Variants in SYN3 observed in about 807,000 individuals in gnomAD.
SYN3 encodes the protein synapsin III.
Under a neutral mutation model 65.8 loss-of-function variants are expected in SYN3, and 35 were observed. That is an observed-to-expected ratio of 0.53 (90% CI 0.41 to 0.70). The LOEUF is 0.70. SYN3 is among the 30% of genes least tolerant of loss of function. The pLI is 0.00. For missense variants in SYN3, 680 were observed against 749.0 expected, an observed-to-expected ratio of 0.91 and a Z score of 1.08; for synonymous variants, 270 against 292.9, an observed-to-expected ratio of 0.92 and a Z score of 0.80.
At chr22:33,043,701 A>G (rs2054005606) in intron 1 of SYN3, among the ~76,000 whole-genome samples, 1 of 152,192 alleles carries the variant, frequency 6.6e-6, no homozygotes, top group Non-Finnish European at 1.5e-5. Context: ...AAACAGAGAT[A>G]ATAATTCTAA....
intron 6 of SYN3, among the ~76,000 whole-genome samples, chr22:32,612,940 GT>G (rs2059466041): frequency 6.6e-6 from 1 of 152,166 alleles, no homozygotes; most frequent in South Asian, 2.1e-4. Context: ...GAGGGACCTG[GT>G]GGCAGGTGAT....
intron 6 of SYN3, among the ~76,000 whole-genome samples, chr22:32,843,092 T>TC (rs2047960298): frequency 6.6e-6 from 1 of 151,880 alleles, no homozygotes; most frequent in Non-Finnish European, 1.5e-5. Flanking sequence ...TTTTTTTTTT[T>TC]CCCCCACTAG....
chr22:32,959,542 CA>C (rs1386103880), intron 3 of SYN3, among the ~76,000 whole-genome samples: 3 of 150,994 alleles, frequency 2.0e-5, no homozygotes, highest in African/African-American at 7.3e-5. Context: ...CAGAGTGAGA[CA>C]CTGTCTCAGA....
intron 6 of SYN3, among the ~76,000 whole-genome samples, chr22:32,798,825 G>A (rs1380763202): frequency 1.3e-5 from 2 of 151,204 alleles, no homozygotes; most frequent in Non-Finnish European, 2.9e-5. Flanking sequence ...CCAAGTAACT[G>A]GGACTACAGG....
rs141300968 is a variant in SYN3 at position 32,751,589 on chromosome 22, G to C, written c.711+113326C>G. The stretch of plus-strand genomic sequence containing the variant: ...CAGAACTGGCCTATAGGCAGTTTCT[G>C]GTGGTGACCTTGGCAGAGGGTGTTG... On this transcript the variant is annotated intron_variant, in intron 6 of 13. Coordinates refer to ENST00000358763, the MANE Select transcript of SYN3 (RefSeq NM_003490.4). Among the ~76,000 whole-genome samples the C allele has an allele frequency of 5.3e-3, 808 of 152,282 alleles. 11 individuals are homozygous for C. The highest frequency in any genetic ancestry group is 0.019 in the African/African-American group (773 of 41,552).
chr22:32,986,640 G>A (rs1373334122), intron 2 of SYN3, among the ~76,000 whole-genome samples: 3 of 152,164 alleles, frequency 2.0e-5, no homozygotes, highest in Admixed American at 1.3e-4. Flanking sequence ...TGCCTTTGGG[G>A]GCTGGGGTTG....
intron 6 of SYN3, among the ~76,000 whole-genome samples, chr22:32,714,516 A>T (rs1054417514): frequency 6.6e-6 from 1 of 152,206 alleles, no homozygotes; most frequent in African/African-American, 2.4e-5. Context: ...ATGCCAGCCC[A>T]TAGCAGATGA....
At chr22:32,830,867 G>A (rs935313025) in intron 6 of SYN3, among the ~76,000 whole-genome samples, 4 of 152,164 alleles carry the variant, frequency 2.6e-5, no homozygotes, top group Admixed American at 6.5e-5. Flanking sequence ...TCGCTGGCAC[G>A]TAGCAAAATC....
intron 3 of SYN3, among the ~76,000 whole-genome samples, chr22:32,945,964 G>C (rs1463715807): frequency 6.6e-6 from 1 of 152,238 alleles, no homozygotes; most frequent in East Asian, 1.9e-4. Flanking sequence ...CTGGACGTCA[G>C]AGAAATGCAA....
At chr22:32,642,402 C>T (rs1333436799) in intron 6 of SYN3, among the ~76,000 whole-genome samples, 2 of 137,980 alleles carry the variant, frequency 1.4e-5, no homozygotes, top group Non-Finnish European at 3.2e-5. Flanking sequence ...AGTGTCCTAC[C>T]CCAAACTTTT....
intron 6 of SYN3, among the ~76,000 whole-genome samples, chr22:32,747,787 G>A (rs888927023): frequency 6.6e-6 from 1 of 152,222 alleles, no homozygotes; most frequent in African/African-American, 2.4e-5. Context: ...CAGTGGAGAG[G>A]CATGTTGTTG....
intron 1 of SYN3, among the ~76,000 whole-genome samples, chr22:33,038,469 T>A (rs924502306): frequency 2.6e-5 from 4 of 152,116 alleles, no homozygotes; most frequent in African/African-American, 9.7e-5. Flanking sequence ...TCTCTTAACC[T>A]CCACTGTGAG....
At chr22:32,645,406 G>T (rs1023395135) in intron 6 of SYN3, among the ~76,000 whole-genome samples, 5 of 149,340 alleles carry the variant, frequency 3.3e-5, no homozygotes, top group African/African-American at 1.2e-4. Context: ...AGCGAAGATC[G>T]CACCACTGCA....
chr22:32,900,919 G>A (rs1300929300), intron 4 of SYN3, among the ~76,000 whole-genome samples: 1 of 152,182 alleles, frequency 6.6e-6, no homozygotes, highest in Non-Finnish European at 1.5e-5. Flanking sequence ...TCAGCTACAT[G>A]ACGGCAGCGG....
chr22:32,679,065 TTTTTTG>T (rs2060487072), intron 6 of SYN3, among the ~76,000 whole-genome samples: 1 of 142,818 alleles, frequency 7.0e-6, no homozygotes, highest in Non-Finnish European at 1.5e-5. Flanking sequence ...TTTTTTTTTT[TTTTTTG>T]AGATGGAGTC....
At chr22:32,588,332 T>C (rs2059080239) in intron 7 of SYN3, among the ~76,000 whole-genome samples, 1 of 152,186 alleles carries the variant, frequency 6.6e-6, no homozygotes. Context: ...AGCCTGAATC[T>C]ATGAAATAAG....
chr22:32,556,864 G>A (rs935800763), intron 7 of SYN3, among the ~76,000 whole-genome samples: 46 of 117,036 alleles, frequency 3.9e-4, no homozygotes, highest in Admixed American at 4.5e-4. Flanking sequence ...TTGCTGTGTT[G>A]CCCAGGCTGG....
intron 8 of SYN3, among the ~76,000 whole-genome samples, chr22:32,541,307 G>C (rs2058249888): frequency 6.6e-6 from 1 of 152,196 alleles, no homozygotes; most frequent in South Asian, 2.1e-4. Flanking sequence ...CATATATCCT[G>C]TGTGTATGTG....
At chr22:32,824,611 G>A (rs1418635802) in intron 6 of SYN3, among the ~76,000 whole-genome samples, 9 of 152,142 alleles carry the variant, frequency 5.9e-5, no homozygotes, top group African/African-American at 1.7e-4. Context: ...ACTCAGGCTG[G>A]TTAGAGGCAT....
Sources: allele counts gnomAD v4.1 joint callset (sites outside exome capture counted in the v4.1 genomes callset), GRCh38; gene constraint gnomAD v4.1.1; transcripts MANE v1.5; gene names NCBI Gene and HGNC (gene_info 2026-07-23, HGNC 2026-07-21).